The following GLYR1 variants were observed in gnomAD, a reference collection of about 807,000 sequenced individuals.
GLYR1 encodes the protein cytokine-like nuclear factor N-PAC.
Under a neutral mutation model 72.7 loss-of-function variants are expected in GLYR1, and 21 were observed. The ratio of observed to expected loss-of-function variants is 0.29; its 90% CI spans 0.20 to 0.42. GLYR1 has a LOEUF of 0.42. Among genes scored for constraint, GLYR1 ranks in the 10% least tolerant of loss-of-function variants. GLYR1 has a pLI of 1.00. For missense variants in GLYR1, 594 were observed against 712.1 expected, an observed-to-expected ratio of 0.83 and a Z score of 1.89; for synonymous variants, 392 against 270.2, an observed-to-expected ratio of 1.45 and a Z score of -4.42.
chr16:4,838,886 C>A (rs979132096), intron 3 of GLYR1, among the ~76,000 whole-genome samples: 4 of 152,030 alleles, frequency 2.6e-5, no homozygotes, highest in Non-Finnish European at 2.9e-5. Context: ...CGTGCCTGGC[C>A]AAAACTCTTC....
intron 5 of GLYR1, among the ~76,000 whole-genome samples, chr16:4,824,229 T>A (rs1200892788): frequency 1.3e-5 from 2 of 152,104 alleles, no homozygotes; most frequent in African/African-American, 4.8e-5. Context: ...GAAACAGTTG[T>A]GGTGGCTGGG....
chr16:4,847,181 G>A (rs1180246511), intron 1 of GLYR1, 47 bp downstream of exon 1: 15 of 1,554,908 alleles, frequency 9.6e-6, no homozygotes, highest in Non-Finnish European at 1.3e-5. Flanking sequence ...GCGCCCAGGC[G>A]GGTAGCTCCC....
In GLYR1 at chr16:4,821,457, C is replaced by T. The variant is rs376402598; in HGVS notation, c.733-4G>A. 78 of 1,613,960 alleles carry T rather than the reference C, an allele frequency of 4.8e-5. No individual in the cohort carries two copies. Among genetic ancestry groups the T allele is most frequent in the African/African-American group, 1.9e-4 (14 of 74,950 alleles). ...GGATGGAGGTGGAGCCAGTTTCCTA[C>T]GGACAGGAAGCACACATCATCAAGT... On this transcript the variant is annotated splice_polypyrimidine_tract_variant and splice_region_variant and intron_variant, in intron 8 of 15. Transcript: ENST00000321919.
intron 2 of GLYR1, 26 bp from the exon 3 acceptor site, chr16:4,845,179 G>C: frequency 6.3e-7 from 1 of 1,582,652 alleles, no homozygotes; most frequent in African/African-American, 1.3e-5. Context: ...GGGGAAAAAG[G>C]TTGGCTGGCA....
intron 3 of GLYR1, among the ~76,000 whole-genome samples, chr16:4,839,083 C>T (rs954245853): frequency 1.3e-5 from 2 of 151,932 alleles, no homozygotes; most frequent in African/African-American, 4.8e-5. Context: ...TTCGGATAGA[C>T]AGGTGACCTG....
Position 4,824,935 on chromosome 16 carries a change from G to C in GLYR1, c.538-1028C>G, listed in dbSNP as rs149116252. 7.5e-3 allele frequency among the ~76,000 whole-genome samples: 1,136 copies of C among 152,228 alleles called. 15 individuals carry two copies. Among genetic ancestry groups the C allele is most frequent in the African/African-American group, 0.026 (1,071 of 41,528 alleles). ...AACGCCTGCTCCATTCTACTAGGCC[G>C]ATATCTTTAGAGCCCTTCTTGACCC... On this transcript the variant is annotated intron_variant, in intron 5 of 15. Coordinates refer to ENST00000321919, the MANE Select transcript of GLYR1 (RefSeq NM_032569.4).
At position 4,811,731 on chromosome 16, in the gene GLYR1, C is replaced by A; in HGVS notation, c.1354G>T (p.Ala452Ser). The stretch of plus-strand genomic sequence containing the variant: ...ACCTGGGCCAGGGTCAGCCCCTCGG[C>A]AATAGTGGCCATGAAGCTCCCTTGG... ...MVQGSFMATI[A>S]EGLTLAQVTG... is the part of the protein sequence containing the mutation. Residue 452 changes from alanine to serine, a missense_variant, in exon 14 of 16, where the codon GCC (alanine) becomes TCC (serine). By Grantham distance (99) the Ala-to-Ser change is moderately conservative (BLOSUM62 1). Coordinates refer to ENST00000321919, the MANE Select transcript of GLYR1 (RefSeq NM_032569.4). The A allele has an allele frequency of 6.2e-7, 1 of 1,614,174 alleles. No individual in the cohort carries two copies.
intron 9 of GLYR1, among the ~76,000 whole-genome samples, chr16:4,818,206 G>A (rs2083776877): frequency 6.6e-6 from 1 of 152,122 alleles, no homozygotes; most frequent in African/African-American, 2.4e-5. Flanking sequence ...TGTTGGCCAG[G>A]CTGGTCTCAA....
rs1322502839 is a variant in GLYR1, at chr16:4,804,973, ACACACAGC to A, written c.*255_*262del. Reference sequence around the variant, plus strand: ...TGTGTGTGTGTGTGTGTGTGTGTGAACACACAGCCACCTCGTCCGGGGGGCCAGTGCCC... The same window carrying A: ...TGTGTGTGTGTGTGTGTGTGTGTGAACACCTCGTCCGGGGGGCCAGTGCCC... On this transcript the variant is annotated 3_prime_UTR_variant, in exon 16 of 16. Coordinates refer to ENST00000321919, the MANE Select transcript of GLYR1 (RefSeq NM_032569.4). 1 of 474,518 alleles carries A rather than the reference ACACACAGC, an allele frequency of 2.1e-6. No homozygotes were observed. The highest frequency in any genetic ancestry group is 2.2e-5 in the African/African-American group (1 of 44,624). The allele number at this position is 474,518 out of a possible 1,614,324, so 29.4% of individuals were successfully genotyped here.
chr16:4,824,433 G>C (rs2084245806), intron 5 of GLYR1, among the ~76,000 whole-genome samples: 1 of 145,480 alleles, frequency 6.9e-6, no homozygotes, highest in South Asian at 2.2e-4. Flanking sequence ...CGGGGAGGTG[G>C]AAGTTGCAGT....
intron 15 of GLYR1, 39 bp from the exon 16 acceptor site, chr16:4,805,349 GC>G: frequency 6.4e-7 from 1 of 1,574,070 alleles, no homozygotes; most frequent in Non-Finnish European, 8.7e-7. Context: ...TGGCCCCAGA[GC>G]TGCCTTCAAG....
chr16:4,835,645 A>G (rs1315154889), intron 3 of GLYR1, among the ~76,000 whole-genome samples: 1 of 152,192 alleles, frequency 6.6e-6, no homozygotes, highest in African/African-American at 2.4e-5. Flanking sequence ...AGCCTGGCCA[A>G]CATGGTGAAA....
intron 3 of GLYR1, among the ~76,000 whole-genome samples, chr16:4,838,171 C>T (rs575071227): frequency 6.6e-6 from 1 of 152,208 alleles, no homozygotes; most frequent in East Asian, 1.9e-4. Context: ...GAAAAAAACA[C>T]ACACAAATCA....
At chr16:4,813,123 C>T (rs185839025) in intron 12 of GLYR1, among the ~76,000 whole-genome samples, 8 of 152,200 alleles carry the variant, frequency 5.3e-5, no homozygotes, top group Admixed American at 2.0e-4. Flanking sequence ...CCACCGCGTC[C>T]GGCTAATTTT....
chr16:4,811,485 A>T, intron 14 of GLYR1, 138 bp downstream of exon 14: 1 of 1,276,648 alleles, frequency 7.8e-7, no homozygotes, highest in Non-Finnish European at 1.1e-6. Context: ...AATCCCGCCC[A>T]CTGTGTTTCT....
At chr16:4,845,502 C>T (rs1047822486) in intron 2 of GLYR1, among the ~76,000 whole-genome samples, 3 of 152,034 alleles carry the variant, frequency 2.0e-5, no homozygotes, top group Admixed American at 1.3e-4. Flanking sequence ...ACCACCCCAC[C>T]CCTGCTCCAA....
intron 3 of GLYR1, among the ~76,000 whole-genome samples, chr16:4,841,616 A>T (rs1039173692): frequency 6.6e-6 from 1 of 151,194 alleles, no homozygotes; most frequent in Admixed American, 6.6e-5. Flanking sequence ...CTGCACTCCA[A>T]CCCTTTCTCA....
chr16:4,843,533 G>A (rs988401900), intron 3 of GLYR1: 35 of 1,288,474 alleles, frequency 2.7e-5, no homozygotes, highest in Non-Finnish European at 3.0e-5. Flanking sequence ...CCAGGCCAGC[G>A]ATCTCCTTGA....
At position 4,820,170 on chromosome 16, in the gene GLYR1, G is replaced by A. The variant is rs1160307176; in HGVS notation, c.806+1210C>T. On this transcript the variant is annotated intron_variant, in intron 9 of 15. Transcript: ENST00000321919. The stretch of plus-strand genomic sequence containing the variant: ...CCACCATCATGCCTGGCTAATTTTT[G>A]TAGAGACAGGGTTTCACCATGTTGG... Among the ~76,000 whole-genome samples the A allele has an allele frequency of 1.2e-4, 19 of 152,246 alleles. No homozygotes were observed. In the East Asian group the frequency reaches 3.7e-3, roughly 29 times the overall value.
Sources: allele counts gnomAD v4.1 joint callset (sites outside exome capture counted in the v4.1 genomes callset), GRCh38; gene constraint gnomAD v4.1.1; transcripts MANE v1.5; gene names NCBI Gene and HGNC (gene_info 2026-07-23, HGNC 2026-07-21).